Variants in GSN observed in about 807,000 individuals in gnomAD.
GSN encodes actin-depolymerizing factor.
Under a neutral mutation model 85.7 loss-of-function variants are expected in GSN, and 56 were observed. The ratio of observed to expected loss-of-function variants is 0.65; its 90% CI spans 0.53 to 0.82. GSN has a LOEUF of 0.82. Ranked by LOEUF, GSN falls within the 40% of genes least tolerant of loss-of-function variation. The pLI is 0.00. For missense variants in GSN, 857 were observed against 979.8 expected (o/e 0.87, Z 1.67); for synonymous variants, 373 against 399.1 (o/e 0.93, Z 0.78).
chr9:121,326,446 G>T, intron 12 of GSN, 66 bp from the exon 13 acceptor site: 1 of 1,340,200 alleles, frequency 7.5e-7, no homozygotes, highest in Non-Finnish European at 1.1e-6. Context: ...GATGGGCCCA[G>T]TGCGACATAG....
At chr9:121,295,375 G>A (rs1290868744) in intron 2 of GSN, among the ~76,000 whole-genome samples, 1 of 152,194 alleles carries the variant, frequency 6.6e-6, no homozygotes, top group African/African-American at 2.4e-5. Context: ...TGGTCAGAAG[G>A]GCGGGTGCTC....
chr9:121,204,980 T>C (rs2053859112), upstream of GSN, among the ~76,000 whole-genome samples: 1 of 152,250 alleles, frequency 6.6e-6, no homozygotes, highest in South Asian at 2.1e-4. Flanking sequence ...TGTATACATC[T>C]CTTCCTATTG....
At chr9:121,241,748 C>T (rs189343143) in intron 5 of GSN, among the ~76,000 whole-genome samples, 8 of 152,264 alleles carry the variant, frequency 5.3e-5, no homozygotes, top group Admixed American at 2.6e-4. Flanking sequence ...TTATTAAACT[C>T]GGATACATCA....
At chr9:121,289,642 A>G (rs1045381906) in intron 2 of GSN, among the ~76,000 whole-genome samples, 3 of 152,192 alleles carry the variant, frequency 2.0e-5, no homozygotes, top group African/African-American at 7.2e-5. Context: ...TCTCATTTGC[A>G]TAAAGCCCCA....
rs578214850 is a variant in GSN, at chr9:121,282,324, T to G, written c.-10+762T>G. On this transcript the variant is annotated intron_variant, in intron 2 of 17. Coordinates refer to ENST00000432226, the MANE Select transcript of GSN (RefSeq NM_198252.3). ...CCAGTGAGACAGGAAGGATCACTAC[T>G]AGGGGGAATCGCCCAGCTTCCAACA... The G allele has an allele frequency of 3.1e-5, 18 of 572,798 alleles. No individual in the cohort carries two copies. The Admixed American group carries it at 3.6e-4, about 11-fold the overall frequency. The allele number at this position is 572,798 out of a possible 1,614,324, so 35.5% of individuals were successfully genotyped here.
intron 4 of GSN, among the ~76,000 whole-genome samples, chr9:121,217,071 C>G (rs1382706218): frequency 6.6e-6 from 1 of 151,902 alleles, no homozygotes; most frequent in African/African-American, 2.4e-5. Context: ...TTTTAAAATT[C>G]AACTTTGGCT....
chr9:121,235,945 A>G (rs1311849394), intron 5 of GSN, among the ~76,000 whole-genome samples: 1 of 152,218 alleles, frequency 6.6e-6, no homozygotes, highest in Non-Finnish European at 1.5e-5. Context: ...GAGGGTCTGA[A>G]TGAGTTTTCT....
Position 121,332,063 on chromosome 9 carries a change from A to G in GSN, c.2027-371A>G, listed in dbSNP as rs540188138. ...AGAATGAGATGGTGTCTCAAAATGA[A>G]AAAAAAAAAGAAAAAGATGTTGCAA... On this transcript the variant is annotated intron_variant, in intron 17 of 17. Transcript: ENST00000432226. This position sits in a 1 kb window ranked among gnomAD's most constrained non-coding sequence, Gnocchi z 4.8. Among the ~76,000 whole-genome samples the G allele has an allele frequency of 1.3e-5, 2 of 150,610 alleles. No individual in the cohort carries two copies. The highest frequency in any genetic ancestry group is 4.9e-5 in the African/African-American group (2 of 41,074).
At chr9:121,266,671 G>C (rs192194836), upstream of GSN, among the ~76,000 whole-genome samples, 2 of 152,342 alleles carry the variant, frequency 1.3e-5, no homozygotes, top group African/African-American at 4.8e-5. Flanking sequence ...GTGACCTCCA[G>C]AGAGTACTTA....
At chr9:121,267,007 A>G (rs2132299690), upstream of GSN, among the ~76,000 whole-genome samples, 1 of 152,268 alleles carries the variant, frequency 6.6e-6, no homozygotes, top group African/African-American at 2.4e-5. Flanking sequence ...GCACCCGGCA[A>G]TTACTGACTC....
chr9:121,288,788 G>A (rs1283592538), intron 2 of GSN, among the ~76,000 whole-genome samples: 1 of 152,046 alleles, frequency 6.6e-6, no homozygotes, highest in African/African-American at 2.4e-5. Flanking sequence ...GTGGGACCTG[G>A]TATCATGGAC....
At chr9:121,304,633 A>G (rs1032019955) in intron 4 of GSN, among the ~76,000 whole-genome samples, 8 of 152,186 alleles carry the variant, frequency 5.3e-5, no homozygotes, top group African/African-American at 1.9e-4. Flanking sequence ...AGCCTCAATA[A>G]CAGCAGCACC....
chr9:121,323,667 G>A (rs1167334380), intron 11 of GSN, among the ~76,000 whole-genome samples: 3 of 152,132 alleles, frequency 2.0e-5, no homozygotes, highest in South Asian at 2.1e-4. Context: ...ATCGTGCCCG[G>A]CCCCCACTAC....
chr9:121,243,868 G>A (rs2054651570), intron 5 of GSN, among the ~76,000 whole-genome samples: 1 of 152,220 alleles, frequency 6.6e-6, no homozygotes, highest in African/African-American at 2.4e-5. Flanking sequence ...GTGAGCCACT[G>A]CACCTAGCCA....
chr9:121,263,243 GT>G (rs2055124493), upstream of GSN, among the ~76,000 whole-genome samples: 1 of 152,210 alleles, frequency 6.6e-6, no homozygotes, highest in Non-Finnish European at 1.5e-5. Flanking sequence ...ATGTCACTGA[GT>G]GTGGAGTTGC....
In GSN at chr9:121,252,812, C is replaced by T. The variant is rs149656796; in HGVS notation, c.-341+4489C>T. Among the ~76,000 whole-genome samples the T allele has an allele frequency of 1.3e-3, 197 of 152,292 alleles. 1 individual carries two copies. The highest frequency in any genetic ancestry group is 4.5e-3 in the African/African-American group (187 of 41,552). On this transcript the variant is annotated intron_variant, in intron 6 of 24. Coordinates refer to the GSN transcript ENST00000373823. Reference sequence around the variant, plus strand: ...AGGATTTCGGGGGGGCAATTTGTTACTATAATATAACCTAACTTTTCCTGA... The same window carrying T: ...AGGATTTCGGGGGGGCAATTTGTTATTATAATATAACCTAACTTTTCCTGA...
intron 12 of GSN, among the ~76,000 whole-genome samples, chr9:121,325,656 C>T (rs114497505): frequency 8.5e-5 from 13 of 152,104 alleles, no homozygotes; most frequent in Admixed American, 7.2e-4. Flanking sequence ...CTCCGTCCTA[C>T]GGTGGGAGTG....
At chr9:121,300,266 C>T (rs1320058089) in intron 2 of GSN, 14 of 646,916 alleles carry the variant, frequency 2.2e-5, no homozygotes, top group Non-Finnish European at 4.0e-5. Flanking sequence ...CATCTTACCT[C>T]CTGTCTCCTG....
At chr9:121,280,515 A>C (rs556030049) in intron 1 of GSN, 16 of 152,346 alleles carry the variant, frequency 1.1e-4, no homozygotes, top group Admixed American at 9.1e-4. Context: ...GAACAATAAT[A>C]GACTGATGCT....
Sources: gnomAD v4.1 joint callset for allele counts (sites outside exome capture counted in the v4.1 genomes callset) on GRCh38, gnomAD v4.1.1 for gene constraint, Gnocchi (gnomAD v3.1) non-coding constraint, MANE v1.5 for transcripts, NCBI Gene and HGNC (gene_info 2026-07-23, HGNC 2026-07-21) for gene names.